MYT1L: variants seen among roughly 807,000 people sequenced by gnomAD.
MYT1L encodes myelin transcription factor 1 like, also known as myelin transcription factor 1-like protein.
In MYT1L, 12 loss-of-function variants were observed where a neutral mutation model predicts 126.7. The ratio of observed to expected loss-of-function variants is 0.09; its 90% CI spans 0.06 to 0.15. The LOEUF (loss-of-function observed/expected upper bound fraction) is 0.15, where lower values mean the gene tolerates loss of function less well. Ranked by LOEUF, MYT1L falls within the 10% of genes least tolerant of loss-of-function variation. The probability of loss-of-function intolerance (pLI) is 1.00; values close to 1 mark genes in which losing one functional copy is unlikely to be tolerated. For synonymous variants in MYT1L, 541 were observed against 604.2 expected, an observed-to-expected ratio of 0.90 and a Z score of 1.53; for missense variants, 979 against 1,585.2, an observed-to-expected ratio of 0.62 and a Z score of 6.49.
chr2:2,265,266 C>A (rs2095095351), intron 2 of MYT1L, among the ~76,000 whole-genome samples: 1 of 151,948 alleles, frequency 6.6e-6, no homozygotes, highest in Admixed American at 6.6e-5. Context: ...CCTCGGTCTC[C>A]CAAAGTGTTG....
chr2:1,967,745 G>C (rs1445232009), intron 8 of MYT1L, among the ~76,000 whole-genome samples: 1 of 152,306 alleles, frequency 6.6e-6, no homozygotes, highest in East Asian at 1.9e-4. Context: ...TGGCCAAAGA[G>C]GGGGTGTTTT....
intron 2 of MYT1L, among the ~76,000 whole-genome samples, chr2:2,263,764 C>G (rs892181288): frequency 6.6e-6 from 1 of 152,118 alleles, no homozygotes; most frequent in African/African-American, 2.4e-5. Context: ...CATCTGGGAG[C>G]TGCTAGTTGG....
At chr2:1,971,709 C>T (rs1405611716) in intron 8 of MYT1L, among the ~76,000 whole-genome samples, 13 of 151,986 alleles carry the variant, frequency 8.6e-5, no homozygotes, top group Non-Finnish European at 1.5e-4. Context: ...CCAGCCTGGG[C>T]GACAGAGCGA....
At chr2:1,799,930 G>A (rs551875426) in intron 23 of MYT1L, among the ~76,000 whole-genome samples, 1 of 152,030 alleles carries the variant, frequency 6.6e-6, no homozygotes, top group Non-Finnish European at 1.5e-5. Context: ...TCTCCTTCCT[G>A]CCACCTTGTG....
intron 4 of MYT1L, among the ~76,000 whole-genome samples, chr2:2,029,524 A>C (rs1480994496): frequency 6.6e-6 from 1 of 152,174 alleles, no homozygotes; most frequent in African/African-American, 2.4e-5. Flanking sequence ...TGATTCAATT[A>C]TCTCCACCTG....
chr2:1,896,475 A>T (rs1268398904), intron 14 of MYT1L, among the ~76,000 whole-genome samples: 1 of 152,238 alleles, frequency 6.6e-6, no homozygotes, highest in Non-Finnish European at 1.5e-5. Context: ...AAAATGCGGT[A>T]CATAGACACT....
At chr2:1,838,681 A>G (rs28548180) in intron 21 of MYT1L, among the ~76,000 whole-genome samples, 6,694 of 152,268 alleles carry the variant, frequency 0.044, 484 homozygotes, top group African/African-American at 0.15. Context: ...TTTTAAATGA[A>G]GCAAACAAAA....
intron 4 of MYT1L, among the ~76,000 whole-genome samples, chr2:2,009,501 G>C (rs1050738189): frequency 2.6e-5 from 4 of 151,920 alleles, no homozygotes; most frequent in African/African-American, 9.7e-5. Flanking sequence ...TTTCCAGCTA[G>C]GTTATTATTT....
intron 18 of MYT1L, among the ~76,000 whole-genome samples, chr2:1,874,586 G>T (rs1018906238): frequency 6.6e-6 from 1 of 152,152 alleles, no homozygotes; most frequent in Non-Finnish European, 1.5e-5. Flanking sequence ...GTGGTCCAGC[G>T]GCTGGGCCGG....
Position 2,267,630 on chromosome 2 carries a change from C to T in MYT1L, c.-421+16774G>A, listed in dbSNP as rs545520213. On this transcript the variant is annotated intron_variant, in intron 2 of 24. Transcript: ENST00000647738. ...AGGCCGAGGTTGCCCTGCAGTTCAC[C>T]GCTTGGTGGGCTGAAGTGGGAAGGT... Among the ~76,000 whole-genome samples, 10 of 152,210 alleles carry T rather than the reference C, an allele frequency of 6.6e-5. No homozygotes were observed. In the South Asian group the frequency reaches 1.7e-3, roughly 25 times the overall value.
intron 18 of MYT1L, among the ~76,000 whole-genome samples, chr2:1,875,732 TCTC>T (rs5828878): frequency 0.03 from 4,576 of 152,214 alleles, 114 homozygotes; most frequent in Middle Eastern, 0.068. Flanking sequence ...AGGAAAGAAA[TCTC>T]CTCTAGAAGA....
intron 19 of MYT1L, among the ~76,000 whole-genome samples, chr2:1,849,101 A>G (rs2042880945): frequency 6.6e-6 from 1 of 152,078 alleles, no homozygotes; most frequent in Non-Finnish European, 1.5e-5. Context: ...ATGTAAAATG[A>G]ATAAAATGTT....
intron 8 of MYT1L, among the ~76,000 whole-genome samples, chr2:1,965,407 C>T (rs1452791063): frequency 3.1e-5 from 4 of 131,040 alleles, no homozygotes; most frequent in South Asian, 2.5e-4. Context: ...AGAGGAGGAC[C>T]CAGACTCTGT....
At chr2:2,202,961 G>T (rs1404889902) in intron 2 of MYT1L, among the ~76,000 whole-genome samples, 1 of 151,848 alleles carries the variant, frequency 6.6e-6, no homozygotes, top group East Asian at 1.9e-4. Context: ...TGCAAGGCTG[G>T]TTCAACATAC....
intron 18 of MYT1L, among the ~76,000 whole-genome samples, chr2:1,881,785 C>T (rs893309762): frequency 4.0e-5 from 6 of 151,566 alleles, no homozygotes; most frequent in Admixed American, 2.6e-4. Flanking sequence ...AAAATAAATT[C>T]TCTGTGTGTG....
At chr2:1,818,938 A>C (rs1164254366) in intron 21 of MYT1L, among the ~76,000 whole-genome samples, 1 of 152,216 alleles carries the variant, frequency 6.6e-6, no homozygotes, top group Non-Finnish European at 1.5e-5. Context: ...CCACAGCCAC[A>C]CAGGCAGGTG....
intron 21 of MYT1L, among the ~76,000 whole-genome samples, chr2:1,813,534 G>A (rs1558631060): frequency 6.6e-6 from 1 of 152,188 alleles, no homozygotes; most frequent in Non-Finnish European, 1.5e-5. Flanking sequence ...GTGGAGGTGG[G>A]CAGTGGGCGG....
At chr2:2,317,105 C>T (rs917480959) in intron 1 of MYT1L, among the ~76,000 whole-genome samples, 1 of 152,084 alleles carries the variant, frequency 6.6e-6, no homozygotes, top group African/African-American at 2.4e-5. Context: ...GTGCGAGCCA[C>T]CATGCCCGGC....
At chr2:1,808,155 G>A (rs1055406132) in intron 22 of MYT1L, among the ~76,000 whole-genome samples, 2 of 152,146 alleles carry the variant, frequency 1.3e-5, no homozygotes, top group South Asian at 2.1e-4. Flanking sequence ...ACCCAGTCTC[G>A]GGTATTTCTT....
Sources: allele counts gnomAD v4.1 joint callset (sites outside exome capture counted in the v4.1 genomes callset), GRCh38; gene constraint gnomAD v4.1.1; transcripts MANE v1.5; gene names NCBI Gene and HGNC (gene_info 2026-07-23, HGNC 2026-07-21).